The following NRXN3 variants were observed in gnomAD, a reference collection of about 807,000 sequenced individuals.
NRXN3 encodes neurexin 3, also known as neurexin III.
In NRXN3, 32 loss-of-function variants were observed where a neutral mutation model predicts 137.6. The ratio of observed to expected loss-of-function variants is 0.23; its 90% CI spans 0.18 to 0.31. The LOEUF is 0.31. Among genes scored for constraint, NRXN3 ranks in the 10% least tolerant of loss-of-function variants. NRXN3 has a pLI of 1.00. For missense variants in NRXN3, 1,574 were observed against 2,062.5 expected (o/e 0.76, Z 4.59); for synonymous variants, 798 against 784.5 (o/e 1.02, Z -0.29).
intron 20 of NRXN3, 70 bp downstream of exon 20, chr14:79,805,260 T>A (rs2099199705): frequency 1.9e-6 from 2 of 1,042,012 alleles, no homozygotes; most frequent in Admixed American, 3.6e-5. Context: ...TACATATATG[T>A]GATTATACAT....
chr14:78,182,691 G>A (rs1002775767), intron 1 of NRXN3, among the ~76,000 whole-genome samples: 4 of 151,976 alleles, frequency 2.6e-5, no homozygotes, highest in African/African-American at 4.8e-5. Context: ...GGCTGGTCTC[G>A]AACTCCCAAC....
intron 4 of NRXN3, among the ~76,000 whole-genome samples, chr14:78,518,257 G>C (rs1240048031): frequency 2.0e-5 from 3 of 152,114 alleles, no homozygotes; most frequent in African/African-American, 7.2e-5. Context: ...TGAGGGCTGT[G>C]GTAAGTCAGA....
chr14:79,008,018 A>G (rs900988507), intron 15 of NRXN3, among the ~76,000 whole-genome samples: 1 of 152,032 alleles, frequency 6.6e-6, no homozygotes, highest in African/African-American at 2.4e-5. Context: ...GGTGACTCCA[A>G]TTCTCTGTGA....
intron 15 of NRXN3, among the ~76,000 whole-genome samples, chr14:79,167,704 AT>A (rs2061404451): frequency 6.6e-6 from 1 of 151,532 alleles, no homozygotes; most frequent in African/African-American, 2.4e-5. Flanking sequence ...ATGCCTCAAC[AT>A]TTGGTCTTCT....
At chr14:78,682,578 T>C (rs2098086938) in intron 6 of NRXN3, among the ~76,000 whole-genome samples, 1 of 152,086 alleles carries the variant, frequency 6.6e-6, no homozygotes, top group South Asian at 2.1e-4. Flanking sequence ...CTAATAATAG[T>C]GGTCAACATT....
chr14:78,518,141 A>G (rs1189266745), intron 4 of NRXN3, among the ~76,000 whole-genome samples: 2 of 152,184 alleles, frequency 1.3e-5, no homozygotes, highest in East Asian at 1.9e-4. Flanking sequence ...TTTACAGTCT[A>G]TTTGGGGAGT....
intron 15 of NRXN3, among the ~76,000 whole-genome samples, chr14:79,181,333 G>C (rs573299099): frequency 1.3e-5 from 2 of 152,076 alleles, no homozygotes; most frequent in Admixed American, 6.6e-5. Context: ...ACCTATGGTG[G>C]GGAGTAAAAT....
intron 4 of NRXN3, among the ~76,000 whole-genome samples, chr14:78,406,199 T>C (rs1415101891): frequency 6.6e-6 from 1 of 152,176 alleles, no homozygotes; most frequent in Non-Finnish European, 1.5e-5. Flanking sequence ...AAAAGCCCAA[T>C]CCAAACTGGC....
chr14:78,909,650 T>G (rs1013172320), intron 10 of NRXN3, among the ~76,000 whole-genome samples: 1 of 152,148 alleles, frequency 6.6e-6, no homozygotes, highest in Non-Finnish European at 1.5e-5. Flanking sequence ...GAATCCATTT[T>G]TTTCAATTAA....
chr14:79,002,145 A>G (rs1016303067), intron 15 of NRXN3, among the ~76,000 whole-genome samples: 10 of 152,278 alleles, frequency 6.6e-5, no homozygotes, highest in African/African-American at 2.4e-4. Flanking sequence ...AGACTATTCA[A>G]ATAGCACAAA....
At chr14:79,478,926 G>A (rs1477817030) in intron 16 of NRXN3, among the ~76,000 whole-genome samples, 1 of 152,150 alleles carries the variant, frequency 6.6e-6, no homozygotes, top group East Asian at 1.9e-4. Flanking sequence ...TCCTTATCTT[G>A]TTCATCTCTC....
chr14:79,342,549 T>C (rs977056853), intron 15 of NRXN3, among the ~76,000 whole-genome samples: 1 of 152,224 alleles, frequency 6.6e-6, no homozygotes, highest in Non-Finnish European at 1.5e-5. Flanking sequence ...TTATTGTTTG[T>C]ATCAGATTTT....
chr14:79,801,274 A>T (rs896099797), intron 19 of NRXN3, among the ~76,000 whole-genome samples: 2 of 152,232 alleles, frequency 1.3e-5, no homozygotes, highest in Non-Finnish European at 2.9e-5. Flanking sequence ...TAAGCTCTTT[A>T]TGAGTACATT....
chr14:79,482,143 T>C (rs2096615163), intron 16 of NRXN3, among the ~76,000 whole-genome samples: 1 of 152,238 alleles, frequency 6.6e-6, no homozygotes, highest in African/African-American at 2.4e-5. Flanking sequence ...CTTAACCTGG[T>C]GGCTTTCATT....
chr14:78,985,590 G>A (rs1441986757), intron 14 of NRXN3, among the ~76,000 whole-genome samples: 8 of 152,146 alleles, frequency 5.3e-5, no homozygotes, highest in African/African-American at 1.9e-4. Flanking sequence ...TATGGAAAAG[G>A]CTTCGTCTTT....
chr14:78,661,921 G>A (rs1602060571), intron 6 of NRXN3, among the ~76,000 whole-genome samples: 1 of 139,388 alleles, frequency 7.2e-6, no homozygotes, highest in South Asian at 2.2e-4. Context: ...ACAGTGTCTT[G>A]CTCTGTCGTC....
chr14:79,816,816 T>G (rs546260279), intron 20 of NRXN3, among the ~76,000 whole-genome samples: 2 of 152,342 alleles, frequency 1.3e-5, no homozygotes, highest in African/African-American at 4.8e-5. Context: ...TAAGCTAGTA[T>G]ATTAACATTT....
chr14:79,130,350 A>G (rs2057273264), intron 15 of NRXN3, among the ~76,000 whole-genome samples: 1 of 151,884 alleles, frequency 6.6e-6, no homozygotes. Context: ...CACTTCCTTC[A>G]GGAGCTCTTT....
At chr14:79,222,585 T>A (rs2069977981) in intron 15 of NRXN3, among the ~76,000 whole-genome samples, 1 of 152,178 alleles carries the variant, frequency 6.6e-6, no homozygotes, top group Non-Finnish European at 1.5e-5. Flanking sequence ...ATGTTTAGTT[T>A]TGTAAGAAGG....
Sources: gnomAD v4.1 joint callset for allele counts (sites outside exome capture counted in the v4.1 genomes callset) on GRCh38, gnomAD v4.1.1 for gene constraint, MANE v1.5 for transcripts, NCBI Gene and HGNC (gene_info 2026-07-23, HGNC 2026-07-21) for gene names.